POC5: variants seen among roughly 807,000 people sequenced by gnomAD.
The protein encoded by POC5 is centrosomal protein POC5.
POC5 carries 48 observed loss-of-function variants against 62.9 expected under a neutral mutation model. The ratio of observed to expected loss-of-function variants is 0.76; its 90% CI spans 0.61 to 0.97. The LOEUF is 0.97. POC5 is among the 50% of genes least tolerant of loss of function. The pLI is 0.00. For missense variants in POC5, 696 were observed against 679.5 expected, an observed-to-expected ratio of 1.02 and a Z score of -0.27; for synonymous variants, 236 against 228.2, an observed-to-expected ratio of 1.03 and a Z score of -0.31.
chr5:75,716,601 A>G (rs1742586834), intron 1 of POC5, among the ~76,000 whole-genome samples: 1 of 152,238 alleles, frequency 6.6e-6, no homozygotes, highest in Non-Finnish European at 1.5e-5. Flanking sequence ...AGGTTCAGAA[A>G]CAAAGGAGAA....
At chr5:75,675,180 C>G (rs1176367776) in intron 11 of POC5, among the ~76,000 whole-genome samples, 1 of 152,218 alleles carries the variant, frequency 6.6e-6, no homozygotes, top group Non-Finnish European at 1.5e-5. Context: ...AGTCAGGACA[C>G]ACGTGACTTA....
chr5:75,701,741 AAAT>A (rs1776895584), intron 5 of POC5, among the ~76,000 whole-genome samples: 1 of 151,920 alleles, frequency 6.6e-6, no homozygotes, highest in Non-Finnish European at 1.5e-5. Context: ...ATAAATAAAT[AAAT>A]AAATAAATAA....
intron 2 of POC5, 89 bp downstream of exon 2, chr5:75,712,765 G>T: frequency 9.5e-7 from 1 of 1,051,188 alleles, no homozygotes; most frequent in Non-Finnish European, 1.4e-6. Flanking sequence ...GTAAATGGAT[G>T]AAAAAATTAT....
intron 6 of POC5, among the ~76,000 whole-genome samples, chr5:75,693,888 C>T (rs1237896132): frequency 6.6e-6 from 1 of 152,130 alleles, no homozygotes; most frequent in East Asian, 1.9e-4. Context: ...AAAATTAGCA[C>T]AGACTTGAAT....
chr5:75,684,382 T>G (rs1776003765), intron 10 of POC5, among the ~76,000 whole-genome samples: 1 of 127,598 alleles, frequency 7.8e-6, no homozygotes, highest in African/African-American at 2.7e-5. Context: ...TTTTTTTTTT[T>G]GCGACGGAGT....
At chr5:75,713,136 G>A (rs1777418466) in intron 1 of POC5, among the ~76,000 whole-genome samples, 185 bp from the exon 2 acceptor site, 2 of 152,206 alleles carry the variant, frequency 1.3e-5, no homozygotes, top group Non-Finnish European at 2.9e-5. Flanking sequence ...TGAAGACCCA[G>A]TCCCAATATT....
At chr5:75,709,031 C>A (rs2112203198) in intron 2 of POC5, among the ~76,000 whole-genome samples, 1 of 152,248 alleles carries the variant, frequency 6.6e-6, no homozygotes, top group South Asian at 2.1e-4. Context: ...TGGGGTTTCA[C>A]CATGTTGGTC....
intron 4 of POC5, among the ~76,000 whole-genome samples, chr5:75,703,974 T>TA (rs1180763613): frequency 2.0e-5 from 3 of 151,806 alleles, no homozygotes; most frequent in African/African-American, 7.3e-5. Flanking sequence ...GCCAACATGG[T>TA]AAAACCCTAT....
intron 10 of POC5, among the ~76,000 whole-genome samples, chr5:75,683,023 C>T (rs1252794948): frequency 6.6e-6 from 1 of 152,214 alleles, no homozygotes; most frequent in Non-Finnish European, 1.5e-5. Context: ...CCTTTAGCTA[C>T]AGACAGCCGT....
Position 75,685,394 on chromosome 5 carries a change from G to A in POC5, c.1220C>T (p.Pro407Leu), listed in dbSNP as rs368239423. Residue 407 changes from proline to leucine, a missense_variant, in exon 10 of 12, where the codon CCG becomes CTG. Coordinates refer to ENST00000428202, the MANE Select transcript of POC5 (RefSeq NM_001099271.2). ...HSAHLDPSAP[P>L]MPLPVTSPLL... ...TGGTGATGTAACTGGTAAGGGCATC[G>A]GAGGAGCTGAAGGATCCAAATGAGC... 2.4e-5 allele frequency: 39 copies of A among 1,613,870 alleles called. No individual in the cohort carries two copies. The highest frequency in any genetic ancestry group is 1.6e-4 in the African/African-American group (12 of 74,920).
rs1251992932 is a variant in POC5 at position 75,700,942 on chromosome 5, T to G, written c.513+1663A>C. ...ACAGACACTTCTCAAAAGAAGACATTTATGCAGCCAAAAAACACATGAAAA... is the reference window on the plus strand; with the variant it reads ...ACAGACACTTCTCAAAAGAAGACATGTATGCAGCCAAAAAACACATGAAAA... On this transcript the variant is annotated intron_variant, in intron 5 of 11. Coordinates refer to ENST00000428202, the MANE Select transcript of POC5 (RefSeq NM_001099271.2). 1.5e-5 allele frequency among the ~76,000 whole-genome samples: 2 copies of G among 135,542 alleles called. 1 individual carries two copies. Among genetic ancestry groups the G allele is most frequent in the Non-Finnish European group, 3.3e-5 (2 of 60,594 alleles). 88.9% of individuals were successfully genotyped at this position (135,542 alleles called of 152,430 possible). A position where few individuals can be genotyped will look rare whatever the true frequency, so the allele number is the denominator to read the frequency against.
In POC5 at chr5:75,702,757, A is replaced by G; in HGVS notation, c.361T>C (p.Phe121Leu). The G allele has an allele frequency of 1.9e-6, 3 of 1,598,430 alleles. No individual in the cohort carries two copies. The highest frequency in any genetic ancestry group is 1.7e-4 in the Middle Eastern group (1 of 6,046). ...RKPSHPVMDF[F>L]SSHLLADSSS... ...GAGTCAGCTAAAAGATGTGAACTGA[A>G]AAAATCCATGACTGGGTGAGAAGGC... The change falls in exon 5 of 12, where the codon TTC (phenylalanine) becomes CTC (leucine). Residue 121 changes from phenylalanine to leucine, a missense_variant. Transcript: ENST00000428202.
At chr5:75,704,330 G>A (rs930276714) in intron 4 of POC5, among the ~76,000 whole-genome samples, 1 of 152,106 alleles carries the variant, frequency 6.6e-6, no homozygotes, top group Non-Finnish European at 1.5e-5. Flanking sequence ...CTATGATAGA[G>A]AACTTGTTAC....
chr5:75,689,158 C>G lies in POC5; in HGVS notation c.983G>C (p.Gly328Ala). Residue 328 changes from glycine (G) to alanine (A), a missense_variant, in exon 9 of 12, where the codon GGA becomes GCA. Coordinates refer to ENST00000428202, the MANE Select transcript of POC5 (RefSeq NM_001099271.2). ...DYEAKVAMLS[G>A]ALENAKAEIQ... ...CTCAGCTTTTGCATTTTCCAAAGCT[C>G]CAGATAACTAAAATAAGAATGTTTA... 6.5e-7 allele frequency: 1 copy of G among 1,537,846 alleles called. No homozygotes were observed. Among genetic ancestry groups the G allele is most frequent in the Non-Finnish European group, 8.8e-7 (1 of 1,142,028 alleles).
chr5:75,698,024 T>C (rs1392566344), intron 5 of POC5, among the ~76,000 whole-genome samples: 1 of 144,408 alleles, frequency 6.9e-6, no homozygotes, highest in Non-Finnish European at 1.5e-5. Flanking sequence ...CTAACTATCC[T>C]AAATATATAT....
Position 75,676,587 on chromosome 5 carries a change from T to C in POC5, c.1584+1187A>G, listed in dbSNP as rs188966245. The stretch of plus-strand genomic sequence containing the variant: ...TAAAATCATTCCATATACTTTTTTT[T>C]TGCTAATACTTAGAAAGTACACAGG... On this transcript the variant is annotated intron_variant, in intron 11 of 11. Coordinates refer to ENST00000428202, the MANE Select transcript of POC5 (RefSeq NM_001099271.2). Among the ~76,000 whole-genome samples, 53 of 152,306 alleles carry C rather than the reference T, an allele frequency of 3.5e-4. No homozygotes were observed. In the East Asian group the frequency reaches 9.1e-3, roughly 26 times the overall value.
intron 5 of POC5, 72 bp downstream of exon 5, chr5:75,702,533 A>G: frequency 7.1e-7 from 1 of 1,398,852 alleles, no homozygotes; most frequent in Non-Finnish European, 9.7e-7. Flanking sequence ...AAAAAACAAA[A>G]CAGTATAAAT....
At chr5:75,692,591 G>C in intron 6 of POC5, 91 bp from the exon 7 acceptor site, 1 of 814,474 alleles carries the variant, frequency 1.2e-6, no homozygotes, top group Non-Finnish European at 1.9e-6. Context: ...TGCTAGAGAG[G>C]ATAGGTATGG....
At chr5:75,706,304 G>C (rs189007091) in intron 3 of POC5, among the ~76,000 whole-genome samples, 51 of 152,290 alleles carry the variant, frequency 3.3e-4, no homozygotes, top group African/African-American at 1.2e-3. Context: ...CACATACCAT[G>C]CCTTCTATCA....
Sources: allele counts gnomAD v4.1 joint callset (sites outside exome capture counted in the v4.1 genomes callset), GRCh38; gene constraint gnomAD v4.1.1; transcripts MANE v1.5; gene names NCBI Gene and HGNC (gene_info 2026-07-23, HGNC 2026-07-21).